Variants in CHN2 observed in about 807,000 individuals in gnomAD.
CHN2 encodes the protein beta-chimaerin.
CHN2 carries 35 observed loss-of-function variants against 56.3 expected under a neutral mutation model. That is an observed-to-expected ratio of 0.62 (90% CI 0.47 to 0.82). CHN2 has a LOEUF of 0.82. Among genes scored for constraint, CHN2 ranks in the 40% least tolerant of loss-of-function variants. The pLI, the probability that CHN2 is intolerant of heterozygous loss-of-function variation, is 0.00. For synonymous variants in CHN2, 210 were observed against 212.8 expected, an observed-to-expected ratio of 0.99 and a Z score of 0.12; for missense variants, 491 against 580.5, an observed-to-expected ratio of 0.85 and a Z score of 1.58.
chr7:29,438,035 A>G (rs959011294), intron 6 of CHN2, among the ~76,000 whole-genome samples: 1 of 152,200 alleles, frequency 6.6e-6, no homozygotes, highest in East Asian at 1.9e-4. Context: ...TAGTGTAGTA[A>G]AATCTGCAAC....
chr7:29,358,054 T>C (rs2128026426), intron 2 of CHN2, among the ~76,000 whole-genome samples: 1 of 152,352 alleles, frequency 6.6e-6, no homozygotes, highest in African/African-American at 2.4e-5. Context: ...ATATATTTAC[T>C]AGAGACAGTA....
intron 5 of CHN2, 95 bp downstream of exon 5, chr7:29,398,581 C>T (rs533410264): frequency 4.0e-6 from 3 of 751,344 alleles, no homozygotes; most frequent in Non-Finnish European, 6.8e-6. Flanking sequence ...ATACATAACA[C>T]AAAATTCATC....
intron 1 of CHN2, among the ~76,000 whole-genome samples, chr7:29,308,954 T>G (rs913376425): frequency 6.6e-6 from 1 of 152,226 alleles, no homozygotes; most frequent in Non-Finnish European, 1.5e-5. Context: ...TGCTCACTAC[T>G]ATGTGCACAA....
At chr7:29,424,829 A>G (rs1352111797) in intron 6 of CHN2, among the ~76,000 whole-genome samples, 1 of 152,178 alleles carries the variant, frequency 6.6e-6, no homozygotes, top group African/African-American at 2.4e-5. Context: ...CAGTCTGGTC[A>G]GACAGCCACC....
intron 1 of CHN2, chr7:29,200,577 G>T: frequency 6.7e-6 from 1 of 149,698 alleles, no homozygotes; most frequent in East Asian, 2.0e-4. Context: ...TTTACTGTTC[G>T]TAGTTTGCAA....
intron 2 of CHN2, among the ~76,000 whole-genome samples, chr7:29,150,433 A>G (rs1793432298): frequency 6.6e-6 from 1 of 152,192 alleles, no homozygotes; most frequent in African/African-American, 2.4e-5. Flanking sequence ...AGTTCTTTCC[A>G]ACTGTCTATC....
At chr7:29,400,491 A>C in intron 5 of CHN2, 52 bp from the exon 6 acceptor site, 1 of 1,564,662 alleles carries the variant, frequency 6.4e-7, no homozygotes, top group Non-Finnish European at 8.8e-7. Flanking sequence ...TTATCATTCC[A>C]CACTGTGCTT....
chr7:29,301,652 C>T (rs1793675195), intron 1 of CHN2, among the ~76,000 whole-genome samples: 1 of 152,152 alleles, frequency 6.6e-6, no homozygotes, highest in African/African-American at 2.4e-5. Flanking sequence ...CTTAACATCT[C>T]TCTGCCTCAT....
At position 29,228,878 on chromosome 7, in the gene CHN2, G is replaced by A. The variant is rs1269810620; in HGVS notation, c.49+33888G>A. 6.6e-5 allele frequency among the ~76,000 whole-genome samples: 10 copies of A among 152,318 alleles called. No individual in the cohort carries two copies. The East Asian group carries it at 9.6e-4, about 15-fold the overall frequency. The stretch of plus-strand genomic sequence containing the variant: ...GGTGCCAAAAAAATGGGCCTCTGGC[G>A]CTGCACCGCCCTCCTTCCTGAGCTC... On this transcript the variant is annotated intron_variant, in intron 1 of 12. Transcript: ENST00000222792.
At chr7:29,290,373 C>T (rs910572358) in intron 1 of CHN2, among the ~76,000 whole-genome samples, 5 of 152,166 alleles carry the variant, frequency 3.3e-5, no homozygotes, top group Non-Finnish European at 5.9e-5. Flanking sequence ...CTGTGGATAG[C>T]GAATCTCTGC....
At chr7:29,440,384 A>C (rs1272683062) in intron 6 of CHN2, among the ~76,000 whole-genome samples, 3 of 152,110 alleles carry the variant, frequency 2.0e-5, no homozygotes, top group Non-Finnish European at 2.9e-5. Context: ...TATCATCACT[A>C]TACAACAATT....
chr7:29,467,911 T>TA (rs1178890915), intron 6 of CHN2, among the ~76,000 whole-genome samples: 1 of 152,176 alleles, frequency 6.6e-6, no homozygotes, highest in African/African-American at 2.4e-5. Flanking sequence ...TTGTTGCTGA[T>TA]ACGATTCTAA....
intron 7 of CHN2, among the ~76,000 whole-genome samples, chr7:29,489,333 A>G (rs2128557495): frequency 6.6e-6 from 1 of 152,300 alleles, no homozygotes; most frequent in Middle Eastern, 3.4e-3. Context: ...CTTCCTGTCT[A>G]GAATATTTTA....
intron 6 of CHN2, among the ~76,000 whole-genome samples, chr7:29,402,010 A>T (rs961548198): frequency 6.6e-6 from 1 of 151,024 alleles, no homozygotes; most frequent in African/African-American, 2.4e-5. Flanking sequence ...AAATAAGCGG[A>T]TAGGAGCTAC....
At chr7:29,154,032 A>T (rs1245519743) in intron 2 of CHN2, among the ~76,000 whole-genome samples, 3 of 152,184 alleles carry the variant, frequency 2.0e-5, no homozygotes, top group African/African-American at 7.2e-5. Context: ...GAGAAGTCAA[A>T]AGTTATATGT....
intron 3 of CHN2, among the ~76,000 whole-genome samples, chr7:29,376,869 A>C (rs1800117541): frequency 1.3e-5 from 2 of 152,160 alleles, no homozygotes; most frequent in Non-Finnish European, 2.9e-5. Flanking sequence ...GCAGAGACCA[A>C]ATGTGAATCC....
In CHN2 at chr7:29,262,182, A is replaced by C. The variant is rs183142242; in HGVS notation, c.49+67192A>C. Among the ~76,000 whole-genome samples, 406 of 152,146 alleles carry C rather than the reference A, an allele frequency of 2.7e-3. 1 individual carries two copies. The highest frequency in any genetic ancestry group is 4.3e-3 in the Non-Finnish European group (289 of 67,968). ...GACTCAGCCTCAAAAAACAAACAAC[A>C]ACCAAAAAAACAACTTTCTATCTAA... On this transcript the variant is annotated intron_variant, in intron 1 of 12. Transcript: ENST00000222792.
intron 6 of CHN2, among the ~76,000 whole-genome samples, chr7:29,423,506 C>G (rs1169952107): frequency 1.3e-5 from 2 of 152,228 alleles, no homozygotes; most frequent in Non-Finnish European, 2.9e-5. Context: ...CCATACCTCC[C>G]CCTGCCCAAT....
chr7:29,506,622 G>A (rs2128589705), intron 10 of CHN2, among the ~76,000 whole-genome samples: 1 of 152,306 alleles, frequency 6.6e-6, no homozygotes, highest in Middle Eastern at 3.4e-3. Context: ...GGGCTACAGA[G>A]TGAGATTCTG....
Sources: allele counts gnomAD v4.1 joint callset (sites outside exome capture counted in the v4.1 genomes callset), GRCh38; gene constraint gnomAD v4.1.1; transcripts MANE v1.5; gene names NCBI Gene and HGNC (gene_info 2026-07-23, HGNC 2026-07-21).